Variants in SCUBE1 observed in about 807,000 individuals in gnomAD.
The protein encoded by SCUBE1 is signal peptide, CUB domain and EGF like domain containing 1.
A neutral mutation model predicts 124.4 loss-of-function variants in SCUBE1; 59 were observed. That is an observed-to-expected ratio of 0.47 (90% CI 0.38 to 0.59). The LOEUF is 0.59. SCUBE1 is among the 20% of genes least tolerant of loss of function. The pLI, the probability that SCUBE1 is intolerant of heterozygous loss-of-function variation, is 0.00. For missense variants in SCUBE1, 1,150 were observed against 1,371.2 expected, an observed-to-expected ratio of 0.84 and a Z score of 2.55; for synonymous variants, 545 against 550.9, an observed-to-expected ratio of 0.99 and a Z score of 0.15.
intron 4 of SCUBE1, among the ~76,000 whole-genome samples, chr22:43,274,780 G>C (rs1278137169): frequency 6.6e-6 from 1 of 152,236 alleles, no homozygotes; most frequent in Non-Finnish European, 1.5e-5. Flanking sequence ...AGGGGCTGCA[G>C]AGCCACAGCC....
rs78042640 is a variant in SCUBE1, at chr22:43,331,189, T to G, written c.220+7915A>C. ...AACATTTTAATAACATGCTCTGTAA[T>G]CTACCTAACTTCAGTGATTGACAAG... is the stretch of plus-strand genomic sequence containing the variant. On this transcript the variant is annotated intron_variant, in intron 2 of 21. Coordinates refer to ENST00000360835, the MANE Select transcript of SCUBE1 (RefSeq NM_173050.5). Among the ~76,000 whole-genome samples the G allele has an allele frequency of 2.2e-4, 33 of 152,358 alleles. 1 individual carries two copies. Among genetic ancestry groups the G allele is most frequent in the African/African-American group, 7.2e-4 (30 of 41,578 alleles).
chr22:43,330,716 A>G (rs1926878168), intron 2 of SCUBE1, among the ~76,000 whole-genome samples: 1 of 152,206 alleles, frequency 6.6e-6, no homozygotes, highest in Non-Finnish European at 1.5e-5. Flanking sequence ...TTTTCCTCCT[A>G]AAAGTGGTCA....
intron 3 of SCUBE1, among the ~76,000 whole-genome samples, chr22:43,294,261 A>G (rs1402247725): frequency 6.6e-6 from 1 of 152,210 alleles, no homozygotes; most frequent in Non-Finnish European, 1.5e-5. Context: ...GCTTGAGGCC[A>G]TGACCAGCAT....
intron 1 of SCUBE1, among the ~76,000 whole-genome samples, chr22:43,342,720 C>G (rs959281270): frequency 6.6e-6 from 1 of 151,960 alleles, no homozygotes; most frequent in Non-Finnish European, 1.5e-5. Context: ...CTCTTCTGTC[C>G]GTCTGTCCCG....
At chr22:43,250,708 G>C (rs1218183608) in intron 6 of SCUBE1, among the ~76,000 whole-genome samples, 1 of 152,148 alleles carries the variant, frequency 6.6e-6, no homozygotes, top group Non-Finnish European at 1.5e-5. Context: ...GGGGCAGAGT[G>C]CAAGGCCCAG....
At chr22:43,285,882 G>A (rs995013800) in intron 4 of SCUBE1, among the ~76,000 whole-genome samples, 1 of 152,240 alleles carries the variant, frequency 6.6e-6, no homozygotes, top group African/African-American at 2.4e-5. Flanking sequence ...CTCAGGTTTT[G>A]GCATGTACTA....
Position 43,258,019 on chromosome 22 carries a change from G to T in SCUBE1, c.727+200C>A, listed in dbSNP as rs1309650751. Among the ~76,000 whole-genome samples the T allele has an allele frequency of 6.6e-6, 1 of 152,006 alleles. No individual in the cohort carries two copies. The highest frequency in any genetic ancestry group is 2.4e-5 in the African/African-American group (1 of 41,244). ...AAAGCCTGGTCTTGGGGGGCTGCAG[G>T]CCCCAGAGAAGCCTCCCCAGAAAGC... On this transcript the variant is annotated intron_variant, in intron 6 of 21. Coordinates refer to ENST00000360835, the MANE Select transcript of SCUBE1 (RefSeq NM_173050.5). The surrounding 1 kb of genome is among the most constrained non-coding windows in gnomAD (Gnocchi z 5.0).
chr22:43,292,327 C>G (rs73424026), intron 3 of SCUBE1, among the ~76,000 whole-genome samples: 4,930 of 152,222 alleles, frequency 0.032, 289 homozygotes, highest in African/African-American at 0.11. Context: ...GCCGCTGGCA[C>G]AAAGGGCGCT....
intron 16 of SCUBE1, 48 bp downstream of exon 16, chr22:43,214,042 C>CG: frequency 2.3e-6 from 1 of 431,208 alleles, no homozygotes; most frequent in African/African-American, 2.1e-5. Context: ...ACAGGAGGAG[C>CG]CCCCGCCCAC....
At chr22:43,338,568 C>T (rs1052328731) in intron 2 of SCUBE1, among the ~76,000 whole-genome samples, 2 of 152,094 alleles carry the variant, frequency 1.3e-5, no homozygotes, top group South Asian at 4.1e-4. Flanking sequence ...CTCTGTCGCC[C>T]AAGCTGGAGT....
At chr22:43,314,594 C>A (rs1207412219) in intron 3 of SCUBE1, among the ~76,000 whole-genome samples, 1 of 152,096 alleles carries the variant, frequency 6.6e-6, no homozygotes, top group African/African-American at 2.4e-5. Flanking sequence ...CCTAAAACTC[C>A]CCCAAAAGGG....
At chr22:43,333,620 G>A (rs1212196685) in intron 2 of SCUBE1, among the ~76,000 whole-genome samples, 3 of 152,230 alleles carry the variant, frequency 2.0e-5, no homozygotes, top group Non-Finnish European at 4.4e-5. Context: ...GAAAATGATA[G>A]AGAAAGTACA....
At chr22:43,273,281 C>T (rs896996088) in intron 4 of SCUBE1, among the ~76,000 whole-genome samples, 2 of 152,194 alleles carry the variant, frequency 1.3e-5, no homozygotes, top group African/African-American at 4.8e-5. Context: ...TGCCAGCCTC[C>T]CTTCAGCACC....
rs552750233 is a variant in SCUBE1, at chr22:43,287,448, T to C, written c.484+3598A>G. 2.0e-5 allele frequency among the ~76,000 whole-genome samples: 3 copies of C among 152,316 alleles called. 1 individual carries two copies. In the East Asian group the frequency reaches 5.8e-4, roughly 29 times the overall value. ...CAGAGGCCACATGGAGAGCTGGAGC[T>C]GAGAACCTAATCCTCCCAAGCCTAG... On this transcript the variant is annotated intron_variant, in intron 4 of 21. Transcript: ENST00000360835.
intron 4 of SCUBE1, among the ~76,000 whole-genome samples, chr22:43,271,048 C>T (rs543047594): frequency 2.6e-5 from 4 of 152,182 alleles, no homozygotes; most frequent in Admixed American, 6.5e-5. Context: ...TGAGAAGGTG[C>T]TTTCCTCTGC....
At chr22:43,301,857 G>A (rs1231812579) in intron 3 of SCUBE1, among the ~76,000 whole-genome samples, 1 of 152,232 alleles carries the variant, frequency 6.6e-6, no homozygotes, top group Non-Finnish European at 1.5e-5. Flanking sequence ...GGGGAACGGC[G>A]CTTCTGGCCT....
intron 5 of SCUBE1, among the ~76,000 whole-genome samples, chr22:43,259,470 C>T (rs1268775446): frequency 2.6e-5 from 4 of 152,330 alleles, no homozygotes; most frequent in Admixed American, 6.5e-5. Flanking sequence ...ACGTTCTATT[C>T]GGTTGACCCC....
At position 43,197,872 on chromosome 22, in the gene SCUBE1, G is replaced by C. The variant is rs1920953235; in HGVS notation, c.*6125C>G. 6.6e-6 allele frequency: 1 copy of C among 152,248 alleles called. No individual in the cohort carries two copies. The highest frequency in any genetic ancestry group is 1.5e-5 in the Non-Finnish European group (1 of 68,078). The allele number at this position is 152,248 out of a possible 1,614,324, so 9.4% of individuals were successfully genotyped here. On this transcript the variant is annotated 3_prime_UTR_variant, in exon 22 of 22. Transcript: ENST00000360835. ...ATGTCACTGAAGTCACCCTGGCCCG[G>C]GATCCTCCTGTTCTCTCCCCTCCCT... is the stretch of plus-strand genomic sequence containing the variant.
intron 3 of SCUBE1, among the ~76,000 whole-genome samples, chr22:43,313,118 C>T (rs1010099976): frequency 2.6e-5 from 4 of 152,110 alleles, no homozygotes; most frequent in East Asian, 3.8e-4. Flanking sequence ...CACAGCATCC[C>T]GGGCAAATCC....
Sources: allele counts gnomAD v4.1 joint callset (sites outside exome capture counted in the v4.1 genomes callset), GRCh38; gene constraint gnomAD v4.1.1; non-coding constraint Gnocchi (gnomAD v3.1); transcripts MANE v1.5; gene names NCBI Gene and HGNC (gene_info 2026-07-23, HGNC 2026-07-21).